Variants in TUBGCP6 observed in about 807,000 individuals in gnomAD.
The protein encoded by TUBGCP6 is tubulin gamma complex component 6, also known as gamma-tubulin complex component 6.
TUBGCP6 carries 161 observed loss-of-function variants against 175.8 expected under a neutral mutation model. The ratio of observed to expected loss-of-function variants is 0.92; its 90% CI spans 0.81 to 1.04. TUBGCP6 has a LOEUF of 1.04. Ranked by LOEUF, TUBGCP6 falls within the 50% of genes least tolerant of loss-of-function variation. TUBGCP6 has a pLI of 0.00. For synonymous variants in TUBGCP6, 1,173 were observed against 1,030.5 expected (o/e 1.14, Z -2.65); for missense variants, 2,572 against 2,433.0 (o/e 1.06, Z -1.20).
chr22:50,225,748 A>C, intron 10 of TUBGCP6, 46 bp downstream of exon 10: 1 of 1,575,608 alleles, frequency 6.3e-7, no homozygotes, highest in South Asian at 1.1e-5. Context: ...CCCAGGAAGC[A>C]GAGGCAGGGG....
Position 50,243,740 on chromosome 22 carries a change from G to GT in TUBGCP6, c.719dup (p.Asp240GlufsTer8). 1.9e-6 allele frequency: 3 copies of GT among 1,613,338 alleles called. No homozygotes were observed. Among genetic ancestry groups the GT allele is most frequent in the Non-Finnish European group, 2.5e-6 (3 of 1,179,778 alleles). ...CTACCTTAATAGCCAGCCCAGAGAG[G>GT]TCCGCATTGTCTGGCACGGGGGGCA... is the stretch of plus-strand genomic sequence containing the variant. On this transcript the variant is annotated frameshift_variant, in exon 1 of 25. Coordinates refer to ENST00000248846, the MANE Select transcript of TUBGCP6 (RefSeq NM_020461.4). LOFTEE classifies it high-confidence loss of function.
chr22:50,235,214 G>A (rs1481330155), intron 2 of TUBGCP6, among the ~76,000 whole-genome samples: 2 of 16,026 alleles, frequency 1.2e-4, no homozygotes, highest in African/African-American at 1.7e-3. Flanking sequence ...CCTGTCCACG[G>A]CAGCATCATC....
chr22:50,226,930 A>T, intron 6 of TUBGCP6, 69 bp downstream of exon 6: 2 of 1,566,258 alleles, frequency 1.3e-6, no homozygotes, highest in South Asian at 1.2e-5. Flanking sequence ...CCCTCCAGGG[A>T]CACGCTCAGC....
In TUBGCP6 at chr22:50,224,269, T is replaced by G. The variant is rs2064572156; in HGVS notation, c.2155-13A>C. On this transcript the variant is annotated splice_polypyrimidine_tract_variant and intron_variant, in intron 12 of 24. Coordinates refer to ENST00000248846, the MANE Select transcript of TUBGCP6 (RefSeq NM_020461.4). ...CCGCCTGGCGTCGCTATAAAACACA[T>G]AGAGCCTGGCCTGTGAAATCAGAAC... 1 of 1,613,990 alleles carries G rather than the reference T, an allele frequency of 6.2e-7. No individual in the cohort carries two copies. Among genetic ancestry groups the G allele is most frequent in the Admixed American group, 1.7e-5 (1 of 59,994 alleles).
intron 2 of TUBGCP6, among the ~76,000 whole-genome samples, chr22:50,237,302 A>G (rs1394355688): frequency 1.3e-5 from 2 of 152,258 alleles, no homozygotes; most frequent in Non-Finnish European, 2.9e-5. Flanking sequence ...ATTTCTGGCT[A>G]GGCGGCAGTT....
At chr22:50,220,146 G>A (rs1289913841) in intron 16 of TUBGCP6, 105 bp downstream of exon 16, 9 of 1,546,732 alleles carry the variant, frequency 5.8e-6, no homozygotes, top group Middle Eastern at 3.4e-4. Context: ...CTGACAAGGA[G>A]GCCTGAGGGG....
intron 7 of TUBGCP6, 109 bp from the exon 8 acceptor site, chr22:50,226,487 G>T: frequency 9.5e-7 from 1 of 1,055,812 alleles, no homozygotes; most frequent in Non-Finnish European, 1.4e-6. Context: ...GGGGCAAGTG[G>T]GGGCGTAGCT....
In TUBGCP6 at chr22:50,219,425, G is replaced by A. The variant is rs188946019; in HGVS notation, c.4347C>T (p.Pro1449=). Residue 1449 remains proline (P), a synonymous_variant, in exon 19 of 25, where the codon CCC becomes CCT. Transcript: ENST00000248846. ...GGAAGGCGAAGGCCCGGGGAAGCAC[G>A]GGGCGCAAAAGATGAGCAATGGGCG... ...SEPPIAHLLR[P]VLPRAFAFPV... is the part of the protein sequence containing the mutation. The A allele has an allele frequency of 2.6e-4, 412 of 1,570,200 alleles. 3 individuals are homozygous for A. In the East Asian group the frequency reaches 7.9e-3, roughly 30 times the overall value.
chr22:50,217,867 T>G, intron 24 of TUBGCP6, 40 bp from the exon 25 acceptor site: 4 of 1,610,314 alleles, frequency 2.5e-6, no homozygotes, highest in Non-Finnish European at 3.4e-6. Context: ...GCCCACAGTG[T>G]GAGCCCCGCC....
intron 3 of TUBGCP6, 37 bp from the exon 4 acceptor site, chr22:50,229,614 G>A (rs1277384517): frequency 6.5e-7 from 1 of 1,549,314 alleles, no homozygotes; most frequent in Non-Finnish European, 8.7e-7. Context: ...ACAGAGGCCA[G>A]GCACCCAGAC....
chr22:50,236,404 G>T (rs1438039724), intron 2 of TUBGCP6, among the ~76,000 whole-genome samples: 1 of 152,122 alleles, frequency 6.6e-6, no homozygotes, highest in Admixed American at 6.5e-5. Context: ...CAAAGTGCTG[G>T]GATTACAGGC....
Position 50,229,424 on chromosome 22 carries a change from T to C in TUBGCP6, c.1270A>G (p.Ser424Gly), listed in dbSNP as rs2064660308. ...CATACCTGGAACACGAGGCCCTTGC[T>C]GTACAAAGAGTCCAGGACGGGCTGC... is the stretch of plus-strand genomic sequence containing the variant. The part of the protein sequence containing the change: ...SLQPVLDSLY[S>G]KGLVFQAFTS... The change falls in exon 4 of 25, where the codon AGC becomes GGC. Residue 424 changes from serine (S) to glycine (G), a missense_variant. Coordinates refer to ENST00000248846, the MANE Select transcript of TUBGCP6 (RefSeq NM_020461.4). 6.2e-7 allele frequency: 1 copy of C among 1,613,652 alleles called. No individual in the cohort carries two copies. Among genetic ancestry groups the C allele is most frequent in the Non-Finnish European group, 8.5e-7 (1 of 1,179,932 alleles).
In TUBGCP6 at chr22:50,221,073, C is replaced by G. The variant is rs145033260; in HGVS notation, c.3286G>C (p.Asp1096His). The G allele has an allele frequency of 4.2e-5, 68 of 1,613,160 alleles. 1 individual carries two copies. Among genetic ancestry groups the G allele is most frequent in the South Asian group, 3.5e-4 (32 of 90,970 alleles). The change falls in exon 16 of 25, where the codon GAT (aspartate) becomes CAT (histidine). Residue 1096 changes from aspartate (D) to histidine (H), a missense_variant. Coordinates refer to ENST00000248846, the MANE Select transcript of TUBGCP6 (RefSeq NM_020461.4). ...ASISLGESVS[D>H]VAPTRPRWNI... ...CACCGTGGCCGAGTGGGAGCCACAT[C>G]TGACACAGACTCCCCTAAGCTGATG...
intron 2 of TUBGCP6, among the ~76,000 whole-genome samples, chr22:50,237,620 C>T (rs1260577778): frequency 6.6e-6 from 1 of 152,214 alleles, no homozygotes; most frequent in African/African-American, 2.4e-5. Context: ...GTGCTCAGCA[C>T]ACTGCCAGGC....
intron 2 of TUBGCP6, among the ~76,000 whole-genome samples, chr22:50,237,387 ACCAAACGATTTG>A (rs1267321675): frequency 6.6e-6 from 1 of 152,224 alleles, no homozygotes; most frequent in Non-Finnish European, 1.5e-5. Flanking sequence ...ATGAAACAAG[ACCAAACGATTTG>A]CCAAAGGAAC....
In TUBGCP6 at chr22:50,244,061, G is replaced by A; in HGVS notation, c.399C>T (p.Phe133=). Reference sequence around the variant, plus strand: ...TTCTCCCCACATGCTTGTTGTTAAGGAAGTAGTCTCGTTTTCTCGGCAGAA... The same window carrying A: ...TTCTCCCCACATGCTTGTTGTTAAGAAAGTAGTCTCGTTTTCTCGGCAGAA... ...PQVLPRKRDY[F]LNNKHVGRNV... Residue 133 remains phenylalanine, a synonymous_variant, in exon 1 of 25, where the codon TTC becomes TTT. Coordinates refer to ENST00000248846, the MANE Select transcript of TUBGCP6 (RefSeq NM_020461.4). 1.2e-6 allele frequency: 2 copies of A among 1,614,054 alleles called. No individual in the cohort carries two copies. The highest frequency in any genetic ancestry group is 1.7e-6 in the Non-Finnish European group (2 of 1,180,030).
At chr22:50,226,975 A>C (rs371561419) in intron 6 of TUBGCP6, 24 bp downstream of exon 6, 12 of 1,607,758 alleles carry the variant, frequency 7.5e-6, no homozygotes, top group Non-Finnish European at 3.4e-6. Flanking sequence ...AGGCTGACAC[A>C]CTCGGCAGGG....
chr22:50,228,694 A>C (rs978725820), intron 4 of TUBGCP6, among the ~76,000 whole-genome samples: 1 of 151,928 alleles, frequency 6.6e-6, no homozygotes, highest in African/African-American at 2.4e-5. Flanking sequence ...CTCTGCCTAG[A>C]AGCTCTCCCC....
intron 1 of TUBGCP6, among the ~76,000 whole-genome samples, chr22:50,242,467 AG>A (rs2064851844): frequency 6.6e-6 from 1 of 152,208 alleles, no homozygotes; most frequent in Non-Finnish European, 1.5e-5. Context: ...ACTGCACTCC[AG>A]CCTGGGCGAC....
Sources: gnomAD v4.1 joint callset for allele counts (sites outside exome capture counted in the v4.1 genomes callset) on GRCh38, gnomAD v4.1.1 for gene constraint, MANE v1.5 for transcripts, NCBI Gene and HGNC (gene_info 2026-07-23, HGNC 2026-07-21) for gene names.